Variants in GABRA1 observed in about 807,000 individuals in gnomAD.
GABRA1 encodes gamma-aminobutyric acid receptor subunit alpha-1.
Under a neutral mutation model 48.9 loss-of-function variants are expected in GABRA1, and 9 were observed. The ratio of observed to expected loss-of-function variants is 0.18; its 90% CI spans 0.11 to 0.32. The LOEUF (loss-of-function observed/expected upper bound fraction) is 0.32. GABRA1 is among the 10% of genes least tolerant of loss of function. The pLI is 1.00. For synonymous variants in GABRA1, 210 were observed against 198.7 expected (o/e 1.06, Z -0.48); for missense variants, 285 against 553.8 (o/e 0.51, Z 4.87).
At chr5:161,889,768 G>A (rs1254326748) in intron 7 of GABRA1, among the ~76,000 whole-genome samples, 1 of 152,024 alleles carries the variant, frequency 6.6e-6, no homozygotes, top group Non-Finnish European at 1.5e-5. Flanking sequence ...AGTAAGTAGA[G>A]TCCAGGAATG....
At chr5:161,858,671 A>G (rs1757742630) in intron 3 of GABRA1, among the ~76,000 whole-genome samples, 1 of 151,800 alleles carries the variant, frequency 6.6e-6, no homozygotes, top group Admixed American at 6.6e-5. Context: ...CACTTCTTGG[A>G]AAACAAATTA....
At chr5:161,857,539 G>A (rs1245452526) in intron 3 of GABRA1, among the ~76,000 whole-genome samples, 1 of 151,522 alleles carries the variant, frequency 6.6e-6, no homozygotes, top group Non-Finnish European at 1.5e-5. Context: ...AGGGATAAGA[G>A]CAACCATGCA....
chr5:161,866,764 AT>A (rs1753877823), intron 4 of GABRA1, among the ~76,000 whole-genome samples: 2 of 152,134 alleles, frequency 1.3e-5, no homozygotes, highest in Non-Finnish European at 2.9e-5. Context: ...TGTAGAACTA[AT>A]ATTCTGTGAA....
intron 8 of GABRA1, among the ~76,000 whole-genome samples, chr5:161,891,395 T>C (rs62381657): frequency 0.029 from 4,419 of 152,236 alleles, 95 homozygotes; most frequent in Non-Finnish European, 0.044. Flanking sequence ...CATGAATCAC[T>C]GAGTTGTTCG....
At chr5:161,892,682 CA>C (rs1554087305) in intron 8 of GABRA1, among the ~76,000 whole-genome samples, 1 of 151,744 alleles carries the variant, frequency 6.6e-6, no homozygotes, top group South Asian at 2.1e-4. Context: ...AACAAACAAA[CA>C]AACAAACAAA....
Position 161,850,843 on chromosome 5 carries a change from T to C in GABRA1, c.33T>C (p.Leu11=), listed in dbSNP as rs766418049. MRKSPGLSDC[L]WAWILLLSTL... ...AAAGTCCAGGTCTGTCTGACTGTCT[T>C]TGGGCCTGGATCCTCCTTCTGAGCA... is the stretch of plus-strand genomic sequence containing the variant. The change falls in exon 2 of 10, where the codon CTT becomes CTC. Residue 11 remains leucine, a synonymous_variant. Transcript: ENST00000393943. 28 of 1,613,998 alleles carry C rather than the reference T, an allele frequency of 1.7e-5. No homozygotes were observed. Among genetic ancestry groups the C allele is most frequent in the African/African-American group, 2.7e-5 (2 of 74,928 alleles).
At chr5:161,847,811 G>A (rs1757269064), upstream of GABRA1, 1 of 152,144 alleles carries the variant, frequency 6.6e-6, no homozygotes, top group African/African-American at 2.4e-5. Flanking sequence ...CTAAATAGTT[G>A]TATTTTTAAT....
chr5:161,852,016 G>A (rs1418261321), intron 2 of GABRA1, among the ~76,000 whole-genome samples: 1 of 152,090 alleles, frequency 6.6e-6, no homozygotes, highest in Non-Finnish European at 1.5e-5. Context: ...ACATTGGGAT[G>A]AGTGTTTAAT....
chr5:161,879,761 C>T (rs1162098370), intron 6 of GABRA1, among the ~76,000 whole-genome samples: 1 of 152,030 alleles, frequency 6.6e-6, no homozygotes, highest in Non-Finnish European at 1.5e-5. Flanking sequence ...TAGTAGATGG[C>T]CTATACATTT....
chr5:161,892,704 C>CAA (rs1242978771), intron 8 of GABRA1, among the ~76,000 whole-genome samples: 2 of 147,378 alleles, frequency 1.4e-5, no homozygotes, highest in African/African-American at 2.4e-5. Flanking sequence ...CAAACAAAAA[C>CAA]AAACAAAAAA....
At chr5:161,861,155 C>T (rs1757843230) in intron 3 of GABRA1, among the ~76,000 whole-genome samples, 1 of 151,650 alleles carries the variant, frequency 6.6e-6, no homozygotes, top group Middle Eastern at 3.4e-3. Flanking sequence ...AAAATGCTAC[C>T]CTGTGAATGT....
rs757165660 is a variant in GABRA1, at chr5:161,873,131, T to C, written c.270T>C (p.Asp90=). The change falls in exon 5 of 10, where the codon GAT becomes GAC. Residue 90 remains aspartate (D), a synonymous_variant. Coordinates refer to ENST00000393943, the MANE Select transcript of GABRA1 (RefSeq NM_001127644.2). ...AAATTACCTAGGAATATACAATAGA[T>C]GTATTTTTCCGTCAAAGCTGGAAGG... ...VSDHDMEYTI[D]VFFRQSWKDE... The C allele has an allele frequency of 1.2e-6, 2 of 1,610,376 alleles. No homozygotes were observed. The highest frequency in any genetic ancestry group is 1.7e-5 in the Admixed American group (1 of 59,998).
chr5:161,857,395 A>T (rs917911070), intron 3 of GABRA1, among the ~76,000 whole-genome samples: 2 of 151,686 alleles, frequency 1.3e-5, no homozygotes, highest in Middle Eastern at 3.4e-3. Flanking sequence ...CTGCATCAGA[A>T]GGTATAGCAC....
At chr5:161,859,664 C>T (rs377508346) in intron 3 of GABRA1, among the ~76,000 whole-genome samples, 26 of 151,506 alleles carry the variant, frequency 1.7e-4, no homozygotes, top group African/African-American at 5.8e-4. Context: ...TTTTAATATC[C>T]CTTGTAACAT....
At chr5:161,885,067 G>A (rs1376112240) in intron 7 of GABRA1, among the ~76,000 whole-genome samples, 2 of 152,180 alleles carry the variant, frequency 1.3e-5, no homozygotes, top group Non-Finnish European at 2.9e-5. Context: ...CTGTGCTAGA[G>A]CAGCAAGTTC....
intron 1 of GABRA1, chr5:161,848,709 C>T (rs985145172): frequency 6.1e-5 from 15 of 243,970 alleles, no homozygotes; most frequent in South Asian, 4.6e-4. Context: ...CTTTTCTTCT[C>T]CTCTTTCTTA....
intron 8 of GABRA1, 135 bp from the exon 9 acceptor site, chr5:161,895,531 A>T: frequency 1.2e-6 from 1 of 809,608 alleles, no homozygotes. Context: ...TCAATTCTAA[A>T]CCAAAATAAG....
At position 161,897,578 on chromosome 5, in the gene GABRA1, G is replaced by C. The variant is rs1755427949; in HGVS notation, c.*156G>C. 2.7e-6 allele frequency: 2 copies of C among 752,808 alleles called. No homozygotes were observed. Among genetic ancestry groups the C allele is most frequent in the Non-Finnish European group, 4.3e-6 (2 of 464,718 alleles). 46.6% of individuals were successfully genotyped at this position (752,808 alleles called of 1,614,324 possible). A position where few individuals can be genotyped will look rare whatever the true frequency, so the allele number is the denominator to read the frequency against. ...ATTTAAGAACAAGAGACCCCTGTCT[G>C]GCAGTCTGGAGCAAAGCAGACTATG... On this transcript the variant is annotated 3_prime_UTR_variant, in exon 10 of 10. Transcript: ENST00000393943.
rs1753807484 is a variant in GABRA1 at position 161,865,723 on chromosome 5, C to T, written c.190C>T (p.Arg64Cys). The T allele has an allele frequency of 6.2e-7, 1 of 1,612,654 alleles. No individual in the cohort carries two copies. The highest frequency in any genetic ancestry group is 8.5e-7 in the Non-Finnish European group (1 of 1,178,918). The change falls in exon 4 of 10, where the codon CGT (arginine) becomes TGT (cysteine). Residue 64 changes from arginine to cysteine, a missense_variant and splice_region_variant. Transcript: ENST00000393943. ...DNRLRPGLGE[R>C]VTEVKTDIFV... ...CGCCCAATTTCCTGCTTCAACAGAGCGTGTAACCGAAGTGAAGACTGATAT... is the reference window on the plus strand; with the variant it reads ...CGCCCAATTTCCTGCTTCAACAGAGTGTGTAACCGAAGTGAAGACTGATAT...
Sources: allele counts gnomAD v4.1 joint callset (sites outside exome capture counted in the v4.1 genomes callset), GRCh38; gene constraint gnomAD v4.1.1; transcripts MANE v1.5; gene names NCBI Gene and HGNC (gene_info 2026-07-23, HGNC 2026-07-21).